Variants in XKR5 observed in about 807,000 individuals in gnomAD.
The protein encoded by XKR5 is XK related 5, also known as XK-related protein 5.
Under a neutral mutation model 40.8 loss-of-function variants are expected in XKR5, and 46 were observed. That is an observed-to-expected ratio of 1.13 (90% CI 0.89 to 1.44). The LOEUF (loss-of-function observed/expected upper bound fraction) is 1.44. Among genes scored for constraint, XKR5 ranks in the 40% most tolerant of loss-of-function variants. The probability of loss-of-function intolerance (pLI) is 0.00; values close to 1 mark genes in which losing one functional copy is unlikely to be tolerated. For missense variants in XKR5, 1,169 were observed against 844.7 expected (o/e 1.38, Z -4.76); for synonymous variants, 466 against 356.1 (o/e 1.31, Z -3.48).
rs1364231175 is a variant in XKR5, at chr8:6,812,205, C to A, written c.1054G>T (p.Asp352Tyr). The change falls in exon 7 of 7, where the codon GAT becomes TAT. Residue 352 changes from aspartate to tyrosine, a missense_variant. Transcript: ENST00000618742. The part of the protein sequence containing the change: ...TERRDSPRAT[D>Y]LAGKRTESSG... ...CTCTCGGTTCTCTTCCCAGCTAGAT[C>A]TGTGGCCCGGGGAGAATCTCTTCTC... 4 of 1,551,866 alleles carry A rather than the reference C, an allele frequency of 2.6e-6. No homozygotes were observed. Among genetic ancestry groups the A allele is most frequent in the Non-Finnish European group, 3.5e-6 (4 of 1,147,024 alleles).
intron 1 of XKR5, among the ~76,000 whole-genome samples, chr8:6,834,798 G>A (rs1804936320): frequency 6.7e-6 from 1 of 149,808 alleles, no homozygotes; most frequent in Non-Finnish European, 1.5e-5. Flanking sequence ...GAAAAATGGG[G>A]CCATCTTGCT....
chr8:6,829,091 C>T (rs1804645470), intron 2 of XKR5: 1 of 153,936 alleles, frequency 6.5e-6, no homozygotes, highest in African/African-American at 2.4e-5. Context: ...GGACTGGGCC[C>T]TCCAGGGCTA....
Position 6,825,251 on chromosome 8 carries a change from A to C in XKR5, c.341T>G (p.Leu114Arg), listed in dbSNP as rs1804409191. The C allele has an allele frequency of 8.7e-6, 14 of 1,612,620 alleles. No individual in the cohort carries two copies. In the East Asian group the frequency reaches 3.1e-4, roughly 36 times the overall value. Residue 114 changes from leucine to arginine, a missense_variant, in exon 3 of 7, where the codon CTC becomes CGC. Coordinates refer to ENST00000618742, the MANE Select transcript of XKR5 (RefSeq NM_207411.5). ...CCCAGTCTGCAGCAGGGCCTCCAAGAGTCGAAGGGCCGACAGGTCGGCCTC... is the reference window on the plus strand; with the variant it reads ...CCCAGTCTGCAGCAGGGCCTCCAAGCGTCGAAGGGCCGACAGGTCGGCCTC... Reference protein sequence around the residue: ...LQEADLSALRLLEALLQTGPH... With the variant: ...LQEADLSALRRLEALLQTGPH...
rs139462590 is a variant in XKR5, at chr8:6,823,243, G to C, written c.637+278C>G. On this transcript the variant is annotated intron_variant, in intron 4 of 6. Transcript: ENST00000618742. ...GGCAGAATACAGCAGAAGCAATGCT[G>C]AGCCAGTTCTGAGCCTGTTTTTATA... Among the ~76,000 whole-genome samples, 377 of 152,308 alleles carry C rather than the reference G, an allele frequency of 2.5e-3. 2 individuals carry two copies. The highest frequency in any genetic ancestry group is 8.4e-3 in the African/African-American group (349 of 41,566).
At chr8:6,814,883 C>T (rs987544605) in intron 6 of XKR5, among the ~76,000 whole-genome samples, 8 of 152,188 alleles carry the variant, frequency 5.3e-5, no homozygotes, top group African/African-American at 1.9e-4. Flanking sequence ...CATTCCTTTC[C>T]CAGGTCCAGG....
chr8:6,834,998 C>T (rs1475237998), intron 1 of XKR5, among the ~76,000 whole-genome samples: 1 of 152,216 alleles, frequency 6.6e-6, no homozygotes, highest in Non-Finnish European at 1.5e-5. Context: ...CCCTGGACGG[C>T]CGGGGGTCGG....
chr8:6,822,094 G>T, intron 4 of XKR5, 56 bp from the exon 5 acceptor site: 3 of 1,518,364 alleles, frequency 2.0e-6, no homozygotes, highest in Non-Finnish European at 1.8e-6. Flanking sequence ...GGGGGGACAG[G>T]CAAGGACACA....
rs772103148 is a variant in XKR5, at chr8:6,812,259, A to T, written c.1000T>A (p.Cys334Ser). ...GTTTTATCACCTCCTGCAATGCCAC[A>T]GGACTTCCTTAGGCAGCCCTGCCAG... ...DIWQGCLRKS[C>S]GIAGGDKTER... The change falls in exon 7 of 7, where the codon TGT becomes AGT. Residue 334 changes from cysteine (C) to serine (S), a missense_variant. Cys to Ser is a moderately radical substitution (Grantham distance 112). Coordinates refer to ENST00000618742, the MANE Select transcript of XKR5 (RefSeq NM_207411.5). 6.4e-7 allele frequency: 1 copy of T among 1,553,686 alleles called. No individual in the cohort carries two copies.
intron 5 of XKR5, among the ~76,000 whole-genome samples, chr8:6,817,949 A>C (rs190059030): frequency 6.6e-6 from 1 of 151,980 alleles, no homozygotes; most frequent in Non-Finnish European, 1.5e-5. Flanking sequence ...TTACGATCCC[A>C]CTTTCCTGCT....
At chr8:6,827,145 T>A (rs1246261220) in intron 2 of XKR5, among the ~76,000 whole-genome samples, 1 of 152,108 alleles carries the variant, frequency 6.6e-6, no homozygotes, top group African/African-American at 2.4e-5. Context: ...CTCTCAGGCT[T>A]CGAGTCTCAC....
At chr8:6,834,876 C>T (rs1180847867) in intron 1 of XKR5, among the ~76,000 whole-genome samples, 1 of 152,174 alleles carries the variant, frequency 6.6e-6, no homozygotes, top group Non-Finnish European at 1.5e-5. Context: ...GCGTCCCGCC[C>T]CGTCCTAAAC....
chr8:6,812,127 G>T lies in XKR5; in HGVS notation c.1132C>A (p.Pro378Thr). Residue 378 changes from proline (P) to threonine (T), a missense_variant, in exon 7 of 7, where the codon CCT (proline) becomes ACT (threonine). By Grantham distance (38) the Pro-to-Thr change is conservative. Coordinates refer to ENST00000618742, the MANE Select transcript of XKR5 (RefSeq NM_207411.5). ...SYEPTILGKP[P>T]TPEQVPPEAG... is the part of the protein sequence containing the mutation. Reference sequence around the variant, plus strand: ...TCTGGGGGGACCTGCTCAGGGGTAGGGGGCTTCCCTAAAATGGTTGGTTCA... The same window carrying T: ...TCTGGGGGGACCTGCTCAGGGGTAGTGGGCTTCCCTAAAATGGTTGGTTCA... 1 of 1,549,308 alleles carries T rather than the reference G, an allele frequency of 6.5e-7. No homozygotes were observed. The highest frequency in any genetic ancestry group is 8.7e-7 in the Non-Finnish European group (1 of 1,147,000).
rs761406823 is a variant in XKR5, at chr8:6,825,276, C to T, written c.316G>A (p.Glu106Lys). 1.2e-6 allele frequency: 2 copies of T among 1,610,676 alleles called. No individual in the cohort carries two copies. Among genetic ancestry groups the T allele is most frequent in the Non-Finnish European group, 1.7e-6 (2 of 1,178,846 alleles). ...APHRGWLQLQ[E>K]ADLSALRLLE... ...AGTCGAAGGGCCGACAGGTCGGCCT[C>T]CTGCAGCTGCAGCCAGCCTCGGTGG... Residue 106 changes from glutamate to lysine, a missense_variant, in exon 3 of 7, where the codon GAG becomes AAG. Physicochemically the swap from Glu to Lys is moderately conservative, Grantham distance 56. Transcript: ENST00000618742.
intron 2 of XKR5, 84 bp downstream of exon 2, chr8:6,832,633 G>A (rs1804820279): frequency 3.9e-6 from 6 of 1,549,912 alleles, no homozygotes; most frequent in Admixed American, 1.8e-5. Flanking sequence ...ATGAGCTTGA[G>A]GACAGAATCC....
rs1325641606 is a variant in XKR5 at position 6,808,808 on chromosome 8, C to A, written c.*2390G>T. 1 of 152,118 alleles carries A rather than the reference C, an allele frequency of 6.6e-6. No homozygotes were observed. Among genetic ancestry groups the A allele is most frequent in the Non-Finnish European group, 1.5e-5 (1 of 68,034 alleles). The allele number at this position is 152,118 out of a possible 1,614,324, so 9.4% of individuals were successfully genotyped here. A position where few individuals can be genotyped will look rare whatever the true frequency, so the allele number is the denominator to read the frequency against. ...AAGTTTGAAAAGAATGAGCAAATTC[C>A]CCATATCCCACCCTTACTTTTACCC... On this transcript the variant is annotated 3_prime_UTR_variant, in exon 7 of 7. Transcript: ENST00000618742.
intron 4 of XKR5, 34 bp downstream of exon 4, chr8:6,823,487 A>G (rs1804329119): frequency 9.0e-6 from 14 of 1,554,676 alleles, no homozygotes; most frequent in Non-Finnish European, 1.2e-5. Context: ...TTGGTTATGC[A>G]GCAACAGATG....
Position 6,832,863 on chromosome 8 carries a change from C to G in XKR5, c.96G>C (p.Arg32=), listed in dbSNP as rs775743504. Residue 32 remains arginine, a synonymous_variant, in exon 2 of 7, where the codon CGG becomes CGC. Transcript: ENST00000618742. Reference sequence around the variant, plus strand: ...CAAGGGCCAGCCACCCCCACAGAAGCCGTCCTGTGGTGAAGTAGTAAGCCA... The same window carrying G: ...CAAGGGCCAGCCACCCCCACAGAAGGCGTCCTGTGGTGAAGTAGTAAGCCA... ...YTVAYYFTTG[R]LLWGWLALAV... 1.2e-6 allele frequency: 2 copies of G among 1,609,810 alleles called. No individual in the cohort carries two copies. Among genetic ancestry groups the G allele is most frequent in the South Asian group, 2.2e-5 (2 of 90,182 alleles).
rs890560597 is a variant in XKR5, at chr8:6,810,697, T to G, written c.*501A>C. 6.5e-6 allele frequency: 1 copy of G among 152,870 alleles called. No homozygotes were observed. The allele number at this position is 152,870 out of a possible 1,614,324, so 9.5% of individuals were successfully genotyped here. A position where few individuals can be genotyped will look rare whatever the true frequency, so the allele number is the denominator to read the frequency against. On this transcript the variant is annotated 3_prime_UTR_variant, in exon 7 of 7. Transcript: ENST00000618742. ...TTGCACTTTCAGTTATGTTAGTTAT[T>G]ACAAGCACACAGGCCTTACCTACTC...
At chr8:6,817,284 C>T (rs1587165189) in intron 5 of XKR5, among the ~76,000 whole-genome samples, 1 of 152,304 alleles carries the variant, frequency 6.6e-6, no homozygotes. Context: ...AGGATCCAGT[C>T]CCTACTTCTC....
Sources: gnomAD v4.1 joint callset for allele counts (sites outside exome capture counted in the v4.1 genomes callset) on GRCh38, gnomAD v4.1.1 for gene constraint, MANE v1.5 for transcripts, NCBI Gene and HGNC (gene_info 2026-07-23, HGNC 2026-07-21) for gene names.